The following BRAT1 variants were observed in gnomAD, a reference collection of about 807,000 sequenced individuals.
The protein encoded by BRAT1 is integrator complex assembly factor BRAT1.
BRAT1 carries 74 observed loss-of-function variants against 70.6 expected under a neutral mutation model. That is an observed-to-expected ratio of 1.05 (90% CI 0.87 to 1.27). The LOEUF (loss-of-function observed/expected upper bound fraction) is 1.27, where lower values mean the gene tolerates loss of function less well. BRAT1 is among the 50% of genes most tolerant of loss of function. BRAT1 has a pLI of 0.00. For synonymous variants in BRAT1, 615 were observed against 517.1 expected, an observed-to-expected ratio of 1.19 and a Z score of -2.57; for missense variants, 1,203 against 1,098.2, an observed-to-expected ratio of 1.10 and a Z score of -1.35.
intron 2 of BRAT1, among the ~76,000 whole-genome samples, chr7:2,552,491 C>T (rs537277565): frequency 5.5e-4 from 84 of 151,426 alleles, no homozygotes; most frequent in African/African-American, 1.9e-3. Flanking sequence ...CTTTGGGAAG[C>T]AGAGGCAGGT....
Position 2,543,330 on chromosome 7 carries a change from G to C in BRAT1, c.804-7C>G. On this transcript the variant is annotated splice_region_variant and splice_polypyrimidine_tract_variant and intron_variant, in intron 5 of 13. Transcript: ENST00000340611. This position sits in a 1 kb window ranked among gnomAD's most constrained non-coding sequence, Gnocchi z 5.5. ...AGAACTGAACACGGGAGAACTGCAG[G>C]GAGACCCCAGAGAGAAAAATTACTC... 1 of 1,583,472 alleles carries C rather than the reference G, an allele frequency of 6.3e-7. No homozygotes were observed. Among genetic ancestry groups the C allele is most frequent in the Non-Finnish European group, 8.6e-7 (1 of 1,164,902 alleles).
intron 4 of BRAT1, 64 bp downstream of exon 4, chr7:2,544,845 G>T: frequency 6.5e-7 from 1 of 1,533,202 alleles, no homozygotes; most frequent in Non-Finnish European, 8.8e-7. Flanking sequence ...TCAGCAAGGT[G>T]CAGTGAATTC....
chr7:2,544,546 G>C (rs1470313101), intron 4 of BRAT1, among the ~76,000 whole-genome samples: 1 of 152,156 alleles, frequency 6.6e-6, no homozygotes, highest in Non-Finnish European at 1.5e-5. Context: ...TGTTGCCTAA[G>C]TTGGAGTGCA....
Position 2,544,975 on chromosome 7 carries a change from C to A in BRAT1, c.364G>T (p.Gly122Cys), listed in dbSNP as rs368753862. ...AGGGAGCGCAGGCCCTGGATCCAGC[C>A]GCTGCGCACGGTGGGGACGGCCCAG... ...ATWAVPTVRS[G>C]WIQGLRSLAQ... is the part of the protein sequence containing the mutation. The change falls in exon 4 of 14, where the codon GGC becomes TGC. Residue 122 changes from glycine to cysteine, a missense_variant. By Grantham distance (159) the Gly-to-Cys change is radical. Transcript: ENST00000340611. 5.1e-6 allele frequency: 8 copies of A among 1,566,010 alleles called. No individual in the cohort carries two copies. Among genetic ancestry groups the A allele is most frequent in the Non-Finnish European group, 6.9e-6 (8 of 1,155,742 alleles).
At chr7:2,552,870 T>C (rs1780142018) in intron 2 of BRAT1, among the ~76,000 whole-genome samples, 1 of 151,370 alleles carries the variant, frequency 6.6e-6, no homozygotes, top group African/African-American at 2.4e-5. Flanking sequence ...CCCAAGTAAC[T>C]GGGACTACAG....
rs34720091 is a variant in BRAT1, at chr7:2,544,889, T to C, written c.430+20A>G. On this transcript the variant is annotated intron_variant, in intron 4 of 13. Transcript: ENST00000340611. ...CACACAGGCAGGATGAGGAATGGGG[T>C]GGGGTGTGGGCGCACTCACCATGGT... 238,221 of 1,546,918 alleles carry C rather than the reference T, an allele frequency of 0.15. 20,259 individuals are homozygous for C. Among genetic ancestry groups the C allele is most frequent in the Admixed American group, 0.18 (9,253 of 50,744 alleles).
At chr7:2,544,813 C>A in intron 4 of BRAT1, 96 bp downstream of exon 4, 1 of 1,482,322 alleles carries the variant, frequency 6.7e-7, no homozygotes, top group South Asian at 1.3e-5. Context: ...CCTGAGACAT[C>A]GCACAGACCA....
At chr7:2,553,612 C>T (rs544375835) in intron 2 of BRAT1, among the ~76,000 whole-genome samples, 28 of 151,402 alleles carry the variant, frequency 1.8e-4, no homozygotes, top group African/African-American at 5.1e-4. Flanking sequence ...TTCCTCTTTA[C>T]TCTTTTGTTC....
At chr7:2,551,961 GAAAA>G (rs202073706) in intron 2 of BRAT1, among the ~76,000 whole-genome samples, 1 of 145,028 alleles carries the variant, frequency 6.9e-6, no homozygotes, top group Non-Finnish European at 1.5e-5. Flanking sequence ...ACTTGTGGGT[GAAAA>G]AAAAATTATA....
In BRAT1 at chr7:2,546,869, G is replaced by A. The variant is rs147253903; in HGVS notation, c.282+455C>T. 6.6e-5 allele frequency among the ~76,000 whole-genome samples: 10 copies of A among 152,238 alleles called. 1 individual carries two copies. The highest frequency in any genetic ancestry group is 2.1e-4 in the South Asian group (1 of 4,818). ...GGGTCGCTGGAGGTGCAGGATGTGCGGTCTCATTTGGTCCTCACGACAACC... is the reference window on the plus strand; with the variant it reads ...GGGTCGCTGGAGGTGCAGGATGTGCAGTCTCATTTGGTCCTCACGACAACC... On this transcript the variant is annotated intron_variant, in intron 3 of 13. Transcript: ENST00000340611.
Position 2,541,494 on chromosome 7 carries a change from A to G in BRAT1, c.1135-10T>C. 1 of 1,524,306 alleles carries G rather than the reference A, an allele frequency of 6.6e-7. No individual in the cohort carries two copies. The highest frequency in any genetic ancestry group is 8.8e-7 in the Non-Finnish European group (1 of 1,132,516). The allele number at this position is 1,524,306 out of a possible 1,614,324, so 94.4% of individuals were successfully genotyped here. A position where few individuals can be genotyped will look rare whatever the true frequency, so the allele number is the denominator to read the frequency against. ...GTGAAGGGCGCTGGGGCTGCGAGGA[A>G]GAGGGCCGTCAGCCAAGGTTGCGGT... On this transcript the variant is annotated splice_polypyrimidine_tract_variant and intron_variant, in intron 8 of 13. Coordinates refer to ENST00000340611, the MANE Select transcript of BRAT1 (RefSeq NM_152743.4).
chr7:2,539,098 GC>G, intron 13 of BRAT1, 80 bp downstream of exon 13: 1 of 1,512,880 alleles, frequency 6.6e-7, no homozygotes, highest in Admixed American at 2.0e-5. Flanking sequence ...CTGCATGCTG[GC>G]CGCTCGACCA....
chr7:2,551,799 G>T (rs969702488), intron 2 of BRAT1, among the ~76,000 whole-genome samples: 1 of 151,028 alleles, frequency 6.6e-6, no homozygotes, highest in African/African-American at 2.4e-5. Flanking sequence ...GAGAAAACTC[G>T]CCTGGGTCCT....
intron 2 of BRAT1, among the ~76,000 whole-genome samples, chr7:2,547,938 G>A (rs1779735453): frequency 6.6e-6 from 1 of 152,038 alleles, no homozygotes; most frequent in Non-Finnish European, 1.5e-5. Context: ...CAAAAAATTA[G>A]CCAGGTGTGG....
rs762469913 is a variant in BRAT1 at position 2,543,776 on chromosome 7, A to T, written c.617T>A (p.Leu206Ter). 25 of 1,611,734 alleles carry T rather than the reference A, an allele frequency of 1.6e-5. No homozygotes were observed. The South Asian group carries it at 2.7e-4, about 18-fold the overall frequency. Residue 206 changes from leucine (L) to a stop codon, truncating the protein, a stop_gained, in exon 5 of 14, where the codon TTG (leucine) becomes TAG (stop). Coordinates refer to ENST00000340611, the MANE Select transcript of BRAT1 (RefSeq NM_152743.4). LOFTEE classifies it high-confidence loss of function. The surrounding 1 kb of genome is among the most constrained non-coding windows in gnomAD (Gnocchi z 5.5). ...GACCTTGGGGGTGGCCGCGGAGCAC[A>T]AGGACTCTTCAACGTGATCCATGAT... Reference protein sequence around the residue: ...QKIMDHVEESLCSAATPKVTQ... With the variant: ...QKIMDHVEES
In BRAT1 at chr7:2,544,994, G is replaced by A. The variant is rs200605265; in HGVS notation, c.345C>T (p.Ala115=). ...EPGPLGRATW[A]VPTVRSGWIQ... ...TCCAGCCGCTGCGCACGGTGGGGAC[G>A]GCCCAGGTTGCTCGGCCGAGGGGTC... Residue 115 remains alanine (A), a synonymous_variant, in exon 4 of 14, where the codon GCC becomes GCT. Coordinates refer to ENST00000340611, the MANE Select transcript of BRAT1 (RefSeq NM_152743.4). 39 of 1,560,330 alleles carry A rather than the reference G, an allele frequency of 2.5e-5. No individual in the cohort carries two copies. Among genetic ancestry groups the A allele is most frequent in the African/African-American group, 6.8e-5 (5 of 73,690 alleles).
chr7:2,545,535 G>C (rs927965665), intron 3 of BRAT1, among the ~76,000 whole-genome samples: 4 of 139,274 alleles, frequency 2.9e-5, no homozygotes, highest in Admixed American at 1.5e-4. Flanking sequence ...CTGTTGCCTA[G>C]GCTGGAGTGC....
chr7:2,543,181 A>G lies in BRAT1; in HGVS notation c.923+23T>C. ...CCCAGCTCCCAGCACCCGCCTCGGAATGAAATGCACCCCAGACCATACCAG... is the reference window on the plus strand; with the variant it reads ...CCCAGCTCCCAGCACCCGCCTCGGAGTGAAATGCACCCCAGACCATACCAG... On this transcript the variant is annotated intron_variant, in intron 6 of 13. Transcript: ENST00000340611. This position sits in a 1 kb window ranked among gnomAD's most constrained non-coding sequence, Gnocchi z 5.5. The G allele has an allele frequency of 6.5e-7, 1 of 1,541,446 alleles. No individual in the cohort carries two copies. The highest frequency in any genetic ancestry group is 1.4e-5 in the African/African-American group (1 of 71,638).
In BRAT1 at chr7:2,543,990, A is replaced by T; in HGVS notation, c.431-28T>A. ...GGGTAGGGGATGGGGGAAGAGAGGG[A>T]AAAGGGGGTGAGCCAGAATAGAGCT... On this transcript the variant is annotated intron_variant, in intron 4 of 13. Transcript: ENST00000340611. The surrounding 1 kb of genome is among the most constrained non-coding windows in gnomAD (Gnocchi z 5.5). 1.3e-6 allele frequency: 2 copies of T among 1,520,038 alleles called. No individual in the cohort carries two copies. Among genetic ancestry groups the T allele is most frequent in the Non-Finnish European group, 8.9e-7 (1 of 1,127,654 alleles). 94.2% of individuals were successfully genotyped at this position (1,520,038 alleles called of 1,614,324 possible).
Sources: gnomAD v4.1 joint callset for allele counts (sites outside exome capture counted in the v4.1 genomes callset) on GRCh38, gnomAD v4.1.1 for gene constraint, Gnocchi (gnomAD v3.1) non-coding constraint, MANE v1.5 for transcripts, NCBI Gene and HGNC (gene_info 2026-07-23, HGNC 2026-07-21) for gene names.